The following GPC5 variants were observed in gnomAD, a reference collection of about 807,000 sequenced individuals.
GPC5 encodes glypican 5, also known as glypican-5.
A neutral mutation model predicts 53.9 loss-of-function variants in GPC5; 47 were observed. The ratio of observed to expected loss-of-function variants is 0.87; its 90% CI spans 0.69 to 1.11. The LOEUF (loss-of-function observed/expected upper bound fraction) is 1.11. GPC5 is among the 50% of genes most tolerant of loss of function. The probability of loss-of-function intolerance (pLI) is 0.00; values close to 1 mark genes in which losing one functional copy is unlikely to be tolerated. For missense variants in GPC5, 748 were observed against 713.1 expected (o/e 1.05, Z -0.56); for synonymous variants, 286 against 263.3 (o/e 1.09, Z -0.84).
At chr13:91,419,956 T>C (rs1439711341) in intron 1 of GPC5, among the ~76,000 whole-genome samples, 1 of 152,190 alleles carries the variant, frequency 6.6e-6, no homozygotes, top group African/African-American at 2.4e-5. Context: ...ACAGAAGATG[T>C]TTCATGACCA....
At chr13:92,256,480 T>A (rs533585878) in intron 7 of GPC5, among the ~76,000 whole-genome samples, 1 of 152,212 alleles carries the variant, frequency 6.6e-6, no homozygotes, top group East Asian at 1.9e-4. Flanking sequence ...TTAGCAATAT[T>A]TGGTTCTTTC....
intron 7 of GPC5, among the ~76,000 whole-genome samples, chr13:92,385,208 T>G (rs1324390365): frequency 6.6e-6 from 1 of 151,240 alleles, no homozygotes; most frequent in South Asian, 2.1e-4. Flanking sequence ...AAATACATTT[T>G]ATTATATTTC....
chr13:92,328,971 A>C (rs1239082486), intron 7 of GPC5, among the ~76,000 whole-genome samples: 3 of 151,926 alleles, frequency 2.0e-5, no homozygotes, highest in African/African-American at 7.3e-5. Flanking sequence ...CTGCCATGCA[A>C]CTCCTGATTT....
At position 92,254,511 on chromosome 13, in the gene GPC5, C is replaced by T. The variant is rs114114852; in HGVS notation, c.1561+109522C>T. 4.9e-3 allele frequency among the ~76,000 whole-genome samples: 740 copies of T among 152,178 alleles called. 9 individuals carry two copies. The highest frequency in any genetic ancestry group is 0.016 in the African/African-American group (655 of 41,522). On this transcript the variant is annotated intron_variant, in intron 7 of 7. Coordinates refer to ENST00000377067, the MANE Select transcript of GPC5 (RefSeq NM_004466.6). ...TTGTTGATTTTTATATACAGTCAGA[C>T]CTCCATATCTGTGAGTTCTGCATCT...
intron 7 of GPC5, among the ~76,000 whole-genome samples, chr13:92,427,996 G>C (rs1259681872): frequency 6.6e-6 from 1 of 152,080 alleles, no homozygotes; most frequent in Non-Finnish European, 1.5e-5. Context: ...CAGACAGCCT[G>C]TATCATTTTT....
intron 7 of GPC5, among the ~76,000 whole-genome samples, chr13:92,399,940 T>C (rs528098957): frequency 6.6e-5 from 10 of 152,308 alleles, no homozygotes; most frequent in African/African-American, 2.4e-4. Flanking sequence ...TAGGAAATTA[T>C]TTGTGGTTGA....
intron 7 of GPC5, among the ~76,000 whole-genome samples, chr13:92,752,969 G>T (rs60135481): frequency 1.3e-5 from 2 of 152,128 alleles, no homozygotes; most frequent in African/African-American, 4.8e-5. Flanking sequence ...CAGGAAGCTC[G>T]AACTGGGTGG....
chr13:92,243,791 C>T (rs1286331949), intron 7 of GPC5, among the ~76,000 whole-genome samples: 1 of 152,032 alleles, frequency 6.6e-6, no homozygotes, highest in East Asian at 1.9e-4. Context: ...TCTATAGATA[C>T]TTTTTAAAAC....
rs2065584 is a variant in GPC5, at chr13:92,792,192, T to A, written c.1562-74090T>A. On this transcript the variant is annotated intron_variant, in intron 7 of 7. Transcript: ENST00000377067. ...TGGGTTACCCACAAAGGGAAGCCTG[T>A]CAGACTAACAGCAGATCTCTCGGCA... Among the ~76,000 whole-genome samples, 3,828 of 152,162 alleles carry A rather than the reference T, an allele frequency of 0.025. 381 individuals are homozygous for A. The East Asian group carries it at 0.32, about 13-fold the overall frequency.
intron 7 of GPC5, among the ~76,000 whole-genome samples, chr13:92,368,897 A>G (rs1301038451): frequency 2.6e-5 from 4 of 152,104 alleles, no homozygotes; most frequent in Non-Finnish European, 5.9e-5. Flanking sequence ...AAGGGTAGTT[A>G]TTGGCTTTCT....
At chr13:91,538,215 G>A (rs777419224) in intron 2 of GPC5, among the ~76,000 whole-genome samples, 2 of 152,140 alleles carry the variant, frequency 1.3e-5, no homozygotes, top group Non-Finnish European at 2.9e-5. Context: ...GCTTGATGCT[G>A]GATATCACAG....
chr13:92,401,976 T>C (rs1875579491), intron 7 of GPC5, among the ~76,000 whole-genome samples: 1 of 152,174 alleles, frequency 6.6e-6, no homozygotes, highest in Non-Finnish European at 1.5e-5. Context: ...CTCTGTTTGC[T>C]AAAAGAAAAA....
intron 7 of GPC5, among the ~76,000 whole-genome samples, chr13:92,807,877 C>T (rs1192037168): frequency 6.6e-6 from 1 of 151,916 alleles, no homozygotes; most frequent in African/African-American, 2.4e-5. Flanking sequence ...GCTTTTTCTT[C>T]CTAAATAAAT....
At chr13:92,067,640 T>C (rs527609590) in intron 6 of GPC5, among the ~76,000 whole-genome samples, 44 of 152,160 alleles carry the variant, frequency 2.9e-4, no homozygotes, top group African/African-American at 1.0e-3. Flanking sequence ...CTTGGATTTC[T>C]AATTACTGTA....
intron 5 of GPC5, among the ~76,000 whole-genome samples, chr13:91,858,177 G>A (rs2038987785): frequency 1.3e-5 from 2 of 151,614 alleles, no homozygotes; most frequent in South Asian, 4.1e-4. Context: ...GCTCCAACTA[G>A]GATTTGCTTA....
chr13:92,575,199 C>T lies in GPC5; in HGVS notation c.1562-291083C>T, dbSNP rs557116917. On this transcript the variant is annotated intron_variant, in intron 7 of 7. Coordinates refer to ENST00000377067, the MANE Select transcript of GPC5 (RefSeq NM_004466.6). ...AAAAGATATGTTCAAGTCTTGACTT[C>T]TGGTAACTGAAAATTTGATCTTACT... Among the ~76,000 whole-genome samples, 38 of 152,280 alleles carry T rather than the reference C, an allele frequency of 2.5e-4. 1 individual carries two copies. Among genetic ancestry groups the T allele is most frequent in the Admixed American group, 1.1e-3 (17 of 15,296 alleles).
intron 6 of GPC5, among the ~76,000 whole-genome samples, chr13:92,011,574 G>C (rs1566393220): frequency 6.6e-6 from 1 of 152,140 alleles, no homozygotes; most frequent in Non-Finnish European, 1.5e-5. Flanking sequence ...CACTGATGAT[G>C]CTGCCAGTGT....
At chr13:92,350,848 A>T (rs2139266989) in intron 7 of GPC5, among the ~76,000 whole-genome samples, 1 of 152,302 alleles carries the variant, frequency 6.6e-6, no homozygotes, top group African/African-American at 2.4e-5. Context: ...AGACAATTCA[A>T]AAAGTTTAGA....
intron 7 of GPC5, among the ~76,000 whole-genome samples, chr13:92,247,926 A>G (rs567758610): frequency 3.0e-4 from 46 of 152,252 alleles, no homozygotes; most frequent in African/African-American, 9.9e-4. Flanking sequence ...GATAGGTTCT[A>G]TGAAATTATA....
Sources: allele counts gnomAD v4.1 joint callset (sites outside exome capture counted in the v4.1 genomes callset), GRCh38; gene constraint gnomAD v4.1.1; transcripts MANE v1.5; gene names NCBI Gene and HGNC (gene_info 2026-07-23, HGNC 2026-07-21).